Variants in EIF3H observed in about 807,000 individuals in gnomAD.
EIF3H encodes eIF-3-gamma.
EIF3H carries 26 observed loss-of-function variants against 44.2 expected under a neutral mutation model. The observed-to-expected ratio is 0.59, with a 90% confidence interval of 0.43 to 0.82. The LOEUF (loss-of-function observed/expected upper bound fraction) is 0.82, where lower values mean the gene tolerates loss of function less well. EIF3H is among the 40% of genes least tolerant of loss of function. The pLI is 0.00. For synonymous variants in EIF3H, 166 were observed against 151.9 expected (o/e 1.09, Z -0.68); for missense variants, 359 against 432.8 (o/e 0.83, Z 1.51).
intron 1 of EIF3H, among the ~76,000 whole-genome samples, chr8:116,748,851 T>C (rs949558995): frequency 1.3e-5 from 2 of 152,258 alleles, no homozygotes; most frequent in African/African-American, 4.8e-5. Context: ...CTAGATTGCA[T>C]ATAACATTTA....
intron 2 of EIF3H, among the ~76,000 whole-genome samples, chr8:116,719,455 C>A (rs1814708996): frequency 6.6e-6 from 1 of 151,834 alleles, no homozygotes; most frequent in African/African-American, 2.4e-5. Context: ...AGTAGGGAAA[C>A]TTAAATGGAG....
At chr8:116,728,749 T>C (rs563165484) in intron 1 of EIF3H, among the ~76,000 whole-genome samples, 1 of 152,228 alleles carries the variant, frequency 6.6e-6, no homozygotes, top group South Asian at 2.1e-4. Flanking sequence ...GTCATACAAG[T>C]ATGGGTATGA....
chr8:116,698,785 T>C (rs1307702941), intron 2 of EIF3H, among the ~76,000 whole-genome samples: 17 of 152,220 alleles, frequency 1.1e-4, no homozygotes, highest in Admixed American at 1.1e-3. Context: ...GATTTTTTTT[T>C]CTACTGAGAC....
At chr8:116,734,035 A>G (rs574512066) in intron 1 of EIF3H, among the ~76,000 whole-genome samples, 1 of 152,286 alleles carries the variant, frequency 6.6e-6, no homozygotes, top group South Asian at 2.1e-4. Context: ...CACACTAATC[A>G]TGTAGCATCT....
chr8:116,693,175 T>TCTAAATTTGGTAACTAAA (rs1814208349), intron 2 of EIF3H, among the ~76,000 whole-genome samples: 1 of 152,210 alleles, frequency 6.6e-6, no homozygotes, highest in Non-Finnish European at 1.5e-5. Flanking sequence ...AAGTACTAAA[T>TCTAAATTTGGTAACTAAA]TCAGTTATGT....
intron 1 of EIF3H, among the ~76,000 whole-genome samples, chr8:116,744,466 C>T (rs1232005271): frequency 6.6e-6 from 1 of 152,196 alleles, no homozygotes; most frequent in Non-Finnish European, 1.5e-5. Context: ...CCAACATTAA[C>T]AAGAATATGG....
intron 1 of EIF3H, among the ~76,000 whole-genome samples, chr8:116,741,592 A>G (rs774952796): frequency 2.6e-5 from 4 of 152,250 alleles, no homozygotes; most frequent in Middle Eastern, 3.2e-3. Flanking sequence ...AGAAGAGGTC[A>G]GGCAGGATGC....
chr8:116,698,048 T>A (rs1314525611), intron 2 of EIF3H, among the ~76,000 whole-genome samples: 1 of 152,242 alleles, frequency 6.6e-6, no homozygotes, highest in South Asian at 2.1e-4. Flanking sequence ...AGAATTATCA[T>A]GCTCAGGATC....
intron 2 of EIF3H, among the ~76,000 whole-genome samples, chr8:116,715,021 T>C (rs1814638681): frequency 6.6e-6 from 1 of 151,998 alleles, no homozygotes; most frequent in African/African-American, 2.4e-5. Context: ...GCAGAGATTT[T>C]CTCCAATGTA....
At chr8:116,718,679 T>C (rs1296331614) in intron 2 of EIF3H, among the ~76,000 whole-genome samples, 2 of 134,322 alleles carry the variant, frequency 1.5e-5, no homozygotes. Flanking sequence ...GCTATGAGGA[T>C]GCAAAGGCAT....
intron 2 of EIF3H, among the ~76,000 whole-genome samples, chr8:116,667,756 C>T (rs1813692915): frequency 6.6e-6 from 1 of 152,184 alleles, no homozygotes; most frequent in East Asian, 1.9e-4. Context: ...GCACTGCTTG[C>T]ACTAGGAGCC....
chr8:116,724,232 G>A (rs1460149201), intron 2 of EIF3H, among the ~76,000 whole-genome samples: 1 of 152,172 alleles, frequency 6.6e-6, no homozygotes, highest in Non-Finnish European at 1.5e-5. Flanking sequence ...AACAGATGGT[G>A]CTAGGAAAAC....
chr8:116,653,104 A>G (rs749753072), intron 5 of EIF3H, among the ~76,000 whole-genome samples: 1 of 152,130 alleles, frequency 6.6e-6, no homozygotes, highest in Non-Finnish European at 1.5e-5. Flanking sequence ...AGGTACTGCC[A>G]TATGCAGAGA....
chr8:116,710,515 A>C (rs1814555906), intron 2 of EIF3H, among the ~76,000 whole-genome samples: 3 of 152,210 alleles, frequency 2.0e-5, no homozygotes, highest in African/African-American at 7.2e-5. Context: ...ATTTAATATA[A>C]TACCTAGTGT....
intron 2 of EIF3H, among the ~76,000 whole-genome samples, chr8:116,682,809 T>C (rs570578114): frequency 1.3e-5 from 2 of 152,288 alleles, no homozygotes; most frequent in South Asian, 2.1e-4. Context: ...CAAGAGAATA[T>C]ATAAAATGAA....
intron 2 of EIF3H, among the ~76,000 whole-genome samples, chr8:116,678,493 A>G: frequency 6.9e-6 from 1 of 145,310 alleles, no homozygotes; most frequent in South Asian, 2.3e-4. Flanking sequence ...CTGGCTGCCC[A>G]GTCTGGAAAG....
upstream of EIF3H, chr8:116,756,043 A>G (rs1186215420): frequency 1.3e-6 from 2 of 1,524,368 alleles, no homozygotes; most frequent in Admixed American, 3.9e-5. Flanking sequence ...AAACTTTTTA[A>G]ATGTTTAATC....
chr8:116,737,895 C>G (rs1227755697), intron 1 of EIF3H, among the ~76,000 whole-genome samples: 2 of 151,404 alleles, frequency 1.3e-5, no homozygotes. Context: ...AGTAGCCAGG[C>G]CTGGTGGTGT....
intron 2 of EIF3H, among the ~76,000 whole-genome samples, chr8:116,672,948 T>A (rs1813781856): frequency 6.7e-6 from 1 of 149,610 alleles, no homozygotes; most frequent in South Asian, 2.1e-4. Context: ...ATCCACTGAG[T>A]CCAAGTTTTA....
Sources: allele counts gnomAD v4.1 joint callset (sites outside exome capture counted in the v4.1 genomes callset), GRCh38; gene constraint gnomAD v4.1.1; transcripts MANE v1.5; gene names NCBI Gene and HGNC (gene_info 2026-07-23, HGNC 2026-07-21).